Variants in RIMBP2 observed in about 807,000 individuals in gnomAD.
RIMBP2 encodes RIMS binding protein 2, also known as RIMS-binding protein 2.
In RIMBP2, 48 loss-of-function variants were observed where a neutral mutation model predicts 118.6. That is an observed-to-expected ratio of 0.40 (90% CI 0.32 to 0.51). The LOEUF (loss-of-function observed/expected upper bound fraction) is 0.51. RIMBP2 is among the 20% of genes least tolerant of loss of function. The pLI is 0.41. For synonymous variants in RIMBP2, 762 were observed against 742.9 expected, an observed-to-expected ratio of 1.03 and a Z score of -0.42; for missense variants, 1,551 against 1,768.3, an observed-to-expected ratio of 0.88 and a Z score of 2.20.
intron 2 of RIMBP2, among the ~76,000 whole-genome samples, chr12:130,556,350 T>C (rs1050356653): frequency 6.6e-6 from 1 of 152,220 alleles, no homozygotes; most frequent in Non-Finnish European, 1.5e-5. Context: ...AGACCGATGA[T>C]TCATTCTCAC....
At chr12:130,591,960 C>G (rs910783242) in intron 2 of RIMBP2, among the ~76,000 whole-genome samples, 1 of 152,208 alleles carries the variant, frequency 6.6e-6, no homozygotes, top group Non-Finnish European at 1.5e-5. Context: ...CCCAGCCGAG[C>G]CACGTCCCAG....
chr12:130,713,410 T>C (rs1470331417), intron 1 of RIMBP2, among the ~76,000 whole-genome samples: 2 of 152,142 alleles, frequency 1.3e-5, no homozygotes, highest in Non-Finnish European at 2.9e-5. Context: ...CAACAAGAGA[T>C]GCAGGTGTCC....
intron 1 of RIMBP2, among the ~76,000 whole-genome samples, chr12:130,694,419 G>A (rs1325843171): frequency 6.6e-6 from 1 of 152,164 alleles, no homozygotes; most frequent in African/African-American, 2.4e-5. Context: ...AAGGACCTTA[G>A]AGGCTACCCA....
intron 1 of RIMBP2, among the ~76,000 whole-genome samples, chr12:130,637,018 A>G (rs775111220): frequency 6.6e-5 from 10 of 152,198 alleles, no homozygotes; most frequent in Non-Finnish European, 1.2e-4. Context: ...TGTGTACGCT[A>G]TGCCTATTCA....
At chr12:130,410,588 A>G (rs554670739) in intron 19 of RIMBP2, among the ~76,000 whole-genome samples, 1 of 152,322 alleles carries the variant, frequency 6.6e-6, no homozygotes. Context: ...GATGTGCAGT[A>G]ATGTCAGCAC....
Position 130,454,751 on chromosome 12 carries a change from G to T in RIMBP2, c.358+1745C>A, listed in dbSNP as rs139631760. On this transcript the variant is annotated intron_variant, in intron 7 of 22. Coordinates refer to ENST00000690449, the MANE Select transcript of RIMBP2 (RefSeq NM_001393629.1). ...TGGTTAATCAGATTCCTTTTTCCAT[G>T]CTGGCCAATCCCTGTTCCCGCCTCC... Among the ~76,000 whole-genome samples the T allele has an allele frequency of 5.3e-5, 8 of 152,300 alleles. No individual in the cohort carries two copies. In the East Asian group the frequency reaches 1.3e-3, roughly 26 times the overall value.
At chr12:130,509,174 T>G (rs866761059) in intron 3 of RIMBP2, among the ~76,000 whole-genome samples, 1 of 152,102 alleles carries the variant, frequency 6.6e-6, no homozygotes, top group Non-Finnish European at 1.5e-5. Context: ...CTACCTTCCC[T>G]AATTGATTAG....
chr12:130,567,653 G>T (rs1197448538), intron 2 of RIMBP2, among the ~76,000 whole-genome samples: 1 of 152,170 alleles, frequency 6.6e-6, no homozygotes, highest in Non-Finnish European at 1.5e-5. Flanking sequence ...TCCCACATTT[G>T]CAGGCTCAGC....
Position 130,397,425 on chromosome 12 carries a change from T to C in RIMBP2, c.4025A>G (p.Lys1342Arg), listed in dbSNP as rs568840551. The C allele has an allele frequency of 6.3e-5, 25 of 399,096 alleles. No individual in the cohort carries two copies. Among genetic ancestry groups the C allele is most frequent in the African/African-American group, 4.9e-4 (24 of 48,744 alleles). The allele number at this position is 399,096 out of a possible 1,614,324, so 24.7% of individuals were successfully genotyped here. The change falls in exon 23 of 23, where the codon AAA (lysine) becomes AGA (arginine). Residue 1342 changes from lysine to arginine, a missense_variant. Lys to Arg is a conservative substitution (Grantham distance 26). Around this residue, in one of 5 missense-constraint regions of RIMBP2, gnomAD observed 1,038 missense variants for 1,125.1 expected, o/e 0.92. Transcript: ENST00000690449. ...TTTGGAAAGCAGCCCCTTTTTCTTT[T>C]TCGAGGACATTTCCCTGCCTCTCCC... ...SPGRGREMSSKKKKGLLSKGK... is the reference protein window; with the variant it reads ...SPGRGREMSSRKKKGLLSKGK...
rs1483635406 is a variant in RIMBP2 at position 130,446,028 on chromosome 12, C to A, written c.582-759G>T. 2.0e-5 allele frequency among the ~76,000 whole-genome samples: 3 copies of A among 146,738 alleles called. No individual in the cohort carries two copies. The highest frequency in any genetic ancestry group is 5.3e-5 in the African/African-American group (2 of 37,594). On this transcript the variant is annotated intron_variant, in intron 9 of 22. Coordinates refer to ENST00000690449, the MANE Select transcript of RIMBP2 (RefSeq NM_001393629.1). This position sits in a 1 kb window ranked among gnomAD's most constrained non-coding sequence, Gnocchi z 4.1. ...ACGCATGATTTTATGCTCCCCCCCC[C>A]CACACCCCCAGGAATATAAGAGTAT... is the stretch of plus-strand genomic sequence containing the variant.
chr12:130,455,931 C>T (rs2079398472), intron 7 of RIMBP2, among the ~76,000 whole-genome samples: 2 of 152,182 alleles, frequency 1.3e-5, no homozygotes, highest in African/African-American at 4.8e-5. Context: ...CCCCAGCACA[C>T]ACACAGGGGG....
Position 130,442,031 on chromosome 12 carries a change from G to A in RIMBP2, c.1321C>T (p.Leu441Phe). 6.2e-7 allele frequency: 1 copy of A among 1,614,204 alleles called. No individual in the cohort carries two copies. The highest frequency in any genetic ancestry group is 8.5e-7 in the Non-Finnish European group (1 of 1,180,050). ...ACGATGTCGAACTCCTCCTCGTTGAGGAAGATGACGTGGCTGTAGTTGCTG... is the reference window on the plus strand; with the variant it reads ...ACGATGTCGAACTCCTCCTCGTTGAAGAAGATGACGTGGCTGTAGTTGCTG... The part of the protein sequence containing the change: ...TNSNYSHVIF[L>F]NEEEFDIVKA... The change falls in exon 11 of 23, where the codon CTC (leucine) becomes TTC (phenylalanine). Residue 441 changes from leucine to phenylalanine, a missense_variant. By Grantham distance (22) the Leu-to-Phe change is conservative (BLOSUM62 0). Transcript: ENST00000690449. The surrounding 1 kb of genome is among the most constrained non-coding windows in gnomAD (Gnocchi z 6.9).
intron 1 of RIMBP2, among the ~76,000 whole-genome samples, chr12:130,694,359 A>G (rs2065474466): frequency 6.6e-6 from 1 of 152,220 alleles, no homozygotes; most frequent in African/African-American, 2.4e-5. Flanking sequence ...CCTACCTAGG[A>G]GGCAGAAAAA....
At chr12:130,566,643 C>T (rs1191276460) in intron 2 of RIMBP2, among the ~76,000 whole-genome samples, 1 of 152,222 alleles carries the variant, frequency 6.6e-6, no homozygotes, top group East Asian at 1.9e-4. Context: ...TCACCAGCTT[C>T]AGCTGAGCCT....
At chr12:130,504,989 G>A (rs1434184831) in intron 4 of RIMBP2, among the ~76,000 whole-genome samples, 1 of 152,180 alleles carries the variant, frequency 6.6e-6, no homozygotes. Context: ...TCCTCCCAGG[G>A]ATTCACGGCA....
intron 4 of RIMBP2, among the ~76,000 whole-genome samples, chr12:130,483,798 CGTCCCCACCTAG>C (rs2082243724): frequency 7.1e-6 from 1 of 141,750 alleles, no homozygotes; most frequent in African/African-American, 2.7e-5. Context: ...CCGGAGCCCC[CGTCCCCACCTAG>C]ATACGGTGCC....
chr12:130,517,197 G>C (rs940097215), intron 3 of RIMBP2, among the ~76,000 whole-genome samples: 1 of 152,074 alleles, frequency 6.6e-6, no homozygotes, highest in African/African-American at 2.4e-5. Context: ...GAGTGGAACT[G>C]CTGGCTTAAT....
At position 130,683,386 on chromosome 12, in the gene RIMBP2, G is replaced by A. The variant is rs1170886101; in HGVS notation, c.-352+32836C>T. On this transcript the variant is annotated intron_variant, in intron 1 of 22. Transcript: ENST00000690449. This position sits in a 1 kb window ranked among gnomAD's most constrained non-coding sequence, Gnocchi z 4.4. ...TCAGGCTTCCAGCCTCCAGAGCTGCGAGAGGATGCATTCAGGTTGTAAAGG... is the reference window on the plus strand; with the variant it reads ...TCAGGCTTCCAGCCTCCAGAGCTGCAAGAGGATGCATTCAGGTTGTAAAGG... Among the ~76,000 whole-genome samples, 9 of 152,196 alleles carry A rather than the reference G, an allele frequency of 5.9e-5. No individual in the cohort carries two copies. Among genetic ancestry groups the A allele is most frequent in the South Asian group, 4.1e-4 (2 of 4,834 alleles).
At chr12:130,612,756 C>T (rs1007063790) in intron 2 of RIMBP2, among the ~76,000 whole-genome samples, 1 of 152,168 alleles carries the variant, frequency 6.6e-6, no homozygotes, top group South Asian at 2.1e-4. Flanking sequence ...TCACCGCAGG[C>T]CCCCCTGGAT....
Sources: allele counts gnomAD v4.1 joint callset (sites outside exome capture counted in the v4.1 genomes callset), GRCh38; gene constraint gnomAD v4.1.1; regional missense constraint gnomAD v4.1.1; non-coding constraint Gnocchi (gnomAD v3.1); transcripts MANE v1.5; gene names NCBI Gene and HGNC (gene_info 2026-07-23, HGNC 2026-07-21).